The following GALT variants were observed in gnomAD, a reference collection of about 807,000 sequenced individuals.
The protein encoded by GALT is galactose-1-phosphate uridylyltransferase.
GALT carries 42 observed loss-of-function variants against 55.4 expected under a neutral mutation model. The ratio of observed to expected loss-of-function variants is 0.76; its 90% CI spans 0.59 to 0.98. The LOEUF is 0.98. GALT is among the 50% of genes least tolerant of loss of function. The probability of loss-of-function intolerance (pLI) is 0.00; values close to 1 mark genes in which losing one functional copy is unlikely to be tolerated. For missense variants in GALT, 407 were observed against 495.7 expected (o/e 0.82, Z 1.70); for synonymous variants, 154 against 181.5 (o/e 0.85, Z 1.22).
In GALT at chr9:34,648,047, G is replaced by A. The variant is rs964702392; in HGVS notation, c.508-68G>A. 5 of 1,614,190 alleles carry A rather than the reference G, an allele frequency of 3.1e-6. No individual in the cohort carries two copies. The highest frequency in any genetic ancestry group is 1.1e-5 in the South Asian group (1 of 91,082). On this transcript the variant is annotated intron_variant, in intron 5 of 10. Coordinates refer to ENST00000378842, the MANE Select transcript of GALT (RefSeq NM_000155.4). The surrounding 1 kb of genome is among the most constrained non-coding windows in gnomAD (Gnocchi z 4.9). ...GGGGAGTAACATTTCTGTTTCCACAGGGTGTGGTCAGGAGGGAGTTGACTT... is the reference window on the plus strand; with the variant it reads ...GGGGAGTAACATTTCTGTTTCCACAAGGTGTGGTCAGGAGGGAGTTGACTT...
At position 34,650,622 on chromosome 9, in the gene GALT, G is replaced by T; in HGVS notation, c.*173G>T. 1.6e-6 allele frequency: 1 copy of T among 615,578 alleles called. No homozygotes were observed. The highest frequency in any genetic ancestry group is 2.9e-6 in the Non-Finnish European group (1 of 348,010). 38.1% of individuals were successfully genotyped at this position (615,578 alleles called of 1,614,324 possible). On this transcript the variant is annotated 3_prime_UTR_variant, in exon 11 of 11. Coordinates refer to ENST00000378842, the MANE Select transcript of GALT (RefSeq NM_000155.4). The stretch of plus-strand genomic sequence containing the variant: ...TATCAGAGGAGTGTGAACCTTCAGA[G>T]ATCTAGGGTTAAAAGCTAAAGGCAT...
intron 10 of GALT, 71 bp from the exon 11 acceptor site, chr9:34,650,298 A>AAAAAAAT: frequency 9.3e-7 from 1 of 1,074,626 alleles, no homozygotes; most frequent in Non-Finnish European, 1.4e-6. Flanking sequence ...AAAAAAAAAA[A>AAAAAAAT]TGAAGTCCAT....
rs12000481 is a variant in GALT at position 34,648,098 on chromosome 9, G to A, written c.508-17G>A. 2.2e-3 allele frequency: 3,605 copies of A among 1,614,142 alleles called. 65 individuals carry two copies. In the African/African-American group the frequency reaches 0.043, roughly 19 times the overall value. ...GGTGTCTTTTGGCTAACAGAGCTCC[G>A]TATCCCTATCTGATAGATCTTTGAA... On this transcript the variant is annotated splice_polypyrimidine_tract_variant and intron_variant, in intron 5 of 10. Coordinates refer to ENST00000378842, the MANE Select transcript of GALT (RefSeq NM_000155.4). The surrounding 1 kb of genome is among the most constrained non-coding windows in gnomAD (Gnocchi z 4.9).
chr9:34,646,975 C>CT, intron 1 of GALT, 114 bp from the exon 2 acceptor site: 1 of 1,606,462 alleles, frequency 6.2e-7, no homozygotes, highest in Non-Finnish European at 8.5e-7. Flanking sequence ...CCTCTAGCTC[C>CT]TGAGCGGGAC....
Position 34,647,863 on chromosome 9 carries a change from G to A in GALT, c.409G>A (p.Val137Ile), listed in dbSNP as rs1821146618. ...CATGTGCTTCCACCCCTGGTCGGATGTAACGCTGCCACTCATGTCGGTCCC... is the reference window on the plus strand; with the variant it reads ...CATGTGCTTCCACCCCTGGTCGGATATAACGCTGCCACTCATGTCGGTCCC... ...KVMCFHPWSD[V>I]TLPLMSVPEI... The change falls in exon 5 of 11, where the codon GTA becomes ATA. Residue 137 changes from valine to isoleucine, a missense_variant. By Grantham distance (29) the Val-to-Ile change is conservative. Coordinates refer to ENST00000378842, the MANE Select transcript of GALT (RefSeq NM_000155.4). The surrounding 1 kb of genome is among the most constrained non-coding windows in gnomAD (Gnocchi z 5.6). 43 of 1,614,232 alleles carry A rather than the reference G, an allele frequency of 2.7e-5. No homozygotes were observed. Among genetic ancestry groups the A allele is most frequent in the Non-Finnish European group, 3.6e-5 (43 of 1,180,046 alleles).
chr9:34,647,706 G>GT lies in GALT; in HGVS notation c.377+2dup, dbSNP rs763662108. The GT allele has an allele frequency of 6.2e-7, 1 of 1,614,148 alleles. No individual in the cohort carries two copies. The highest frequency in any genetic ancestry group is 2.2e-5 in the East Asian group (1 of 44,884). ...AAGCAAAGTCTGCTCGAGGAGTCTGGTAACTATGGATTTCCCCTCTTACAA... is the reference window on the plus strand; with the variant it reads ...AAGCAAAGTCTGCTCGAGGAGTCTGGTTAACTATGGATTTCCCCTCTTACAA... On this transcript the variant is annotated splice_donor_variant, in intron 4 of 10. Transcript: ENST00000378842. LOFTEE classifies it high-confidence loss of function. This position sits in a 1 kb window ranked among gnomAD's most constrained non-coding sequence, Gnocchi z 5.6.
Position 34,648,507 on chromosome 9 carries a change from C to A in GALT, c.687+51C>A. 6.2e-7 allele frequency: 1 copy of A among 1,613,512 alleles called. No homozygotes were observed. Among genetic ancestry groups the A allele is most frequent in the Non-Finnish European group, 8.5e-7 (1 of 1,179,776 alleles). Reference sequence around the variant, plus strand: ...CCCAAGGAGTCCCTAACTTTCTTATCCCATGAGAGAGGTGTGTAAAGGAGA... The same window carrying A: ...CCCAAGGAGTCCCTAACTTTCTTATACCATGAGAGAGGTGTGTAAAGGAGA... On this transcript the variant is annotated intron_variant, in intron 7 of 10. Coordinates refer to ENST00000378842, the MANE Select transcript of GALT (RefSeq NM_000155.4). The surrounding 1 kb of genome is among the most constrained non-coding windows in gnomAD (Gnocchi z 4.9).
At chr9:34,649,821 GGGACTCA>G (rs1821209170) in intron 10 of GALT, 1 of 491,544 alleles carries the variant, frequency 2.0e-6, no homozygotes, top group African/African-American at 1.9e-5. Flanking sequence ...GGCATTCCTT[GGGACTCA>G]GGAGCTGCTA....
rs752601620 is a variant in GALT, at chr9:34,648,756, T to C, written c.688-6T>C. 6.2e-7 allele frequency: 1 copy of C among 1,613,038 alleles called. No individual in the cohort carries two copies. Among genetic ancestry groups the C allele is most frequent in the East Asian group, 2.2e-5 (1 of 44,884 alleles). On this transcript the variant is annotated splice_region_variant and splice_polypyrimidine_tract_variant and intron_variant, in intron 7 of 10. Transcript: ENST00000378842. This position sits in a 1 kb window ranked among gnomAD's most constrained non-coding sequence, Gnocchi z 4.9. Reference sequence around the variant, plus strand: ...TGATGACTTCCTATCCATTCTGTCTTCCTAGGAACGTCTGGTCCTAACCAG... The same window carrying C: ...TGATGACTTCCTATCCATTCTGTCTCCCTAGGAACGTCTGGTCCTAACCAG...
chr9:34,647,115 C>T lies in GALT; in HGVS notation c.109C>T (p.Leu37=). The change falls in exon 2 of 11, where the codon CTG becomes TTG. Residue 37 remains leucine (L), a synonymous_variant. Coordinates refer to ENST00000378842, the MANE Select transcript of GALT (RefSeq NM_000155.4). The surrounding 1 kb of genome is among the most constrained non-coding windows in gnomAD (Gnocchi z 5.6). ...CCATCAGCATATCCGCTACAACCCG[C>T]TGCAGGATGAGTGGGTGCTGGTGTC... The part of the protein sequence containing the change: ...NDHQHIRYNP[L]QDEWVLVSAH... 6.2e-7 allele frequency: 1 copy of T among 1,614,206 alleles called. No homozygotes were observed.
rs1821233013 is a variant in GALT, at chr9:34,650,588, A to G, written c.*139A>G. ...ACTGTGCATCTCAAACTTTTATCACATACTCTAATATCAGAGGAGTGTGAA... is the reference window on the plus strand; with the variant it reads ...ACTGTGCATCTCAAACTTTTATCACGTACTCTAATATCAGAGGAGTGTGAA... On this transcript the variant is annotated 3_prime_UTR_variant, in exon 11 of 11. Transcript: ENST00000378842. 2 of 697,988 alleles carry G rather than the reference A, an allele frequency of 2.9e-6. No individual in the cohort carries two copies. Among genetic ancestry groups the G allele is most frequent in the African/African-American group, 3.5e-5 (2 of 56,636 alleles). 43.2% of individuals were successfully genotyped at this position (697,988 alleles called of 1,614,324 possible).
In GALT at chr9:34,649,479, C is replaced by T. The variant is rs111033794; in HGVS notation, c.974C>T (p.Pro325Leu). The T allele has an allele frequency of 5.0e-6, 8 of 1,614,042 alleles. No individual in the cohort carries two copies. Among genetic ancestry groups the T allele is most frequent in the East Asian group, 4.5e-5 (2 of 44,892 alleles). ...CAGCTGCACGCTCATTACTACCCTCCGCTCCTGCGCTCTGCCACTGTCCGG... is the reference window on the plus strand; with the variant it reads ...CAGCTGCACGCTCATTACTACCCTCTGCTCCTGCGCTCTGCCACTGTCCGG... The part of the protein sequence containing the change: ...HWQLHAHYYP[P>L]LLRSATVRKF... The change falls in exon 10 of 11, where the codon CCG becomes CTG. Residue 325 changes from proline (P) to leucine (L), a missense_variant. By Grantham distance (98) the Pro-to-Leu change is moderately conservative. Coordinates refer to ENST00000378842, the MANE Select transcript of GALT (RefSeq NM_000155.4).
intron 10 of GALT, 69 bp from the exon 11 acceptor site, chr9:34,650,300 G>GAAAAAA (rs1406959631): frequency 1.1e-5 from 5 of 442,850 alleles, no homozygotes; most frequent in East Asian, 4.5e-5. Flanking sequence ...AAAAAAAAAT[G>GAAAAAA]AAGTCCATGC....
rs111033711 is a variant in GALT, at chr9:34,648,085, CT to C, written c.508-29del. On this transcript the variant is annotated intron_variant, in intron 5 of 10. Coordinates refer to ENST00000378842, the MANE Select transcript of GALT (RefSeq NM_000155.4). The surrounding 1 kb of genome is among the most constrained non-coding windows in gnomAD (Gnocchi z 4.9). The stretch of plus-strand genomic sequence containing the variant: ...AGGGAGTTGACTTGGTGTCTTTTGG[CT>C]AACAGAGCTCCGTATCCCTATCTGA... The C allele has an allele frequency of 3.1e-6, 5 of 1,614,166 alleles. No homozygotes were observed. The African/African-American group carries it at 4.0e-5, about 13-fold the overall frequency.
chr9:34,650,514 A>G lies in GALT; in HGVS notation c.*65A>G. On this transcript the variant is annotated 3_prime_UTR_variant, in exon 11 of 11. Transcript: ENST00000378842. ...AACAGTCTTGCTGAATTAAGCAGAA[A>G]GGGCCTTGAATCCTGGCCTGGAATT... The G allele has an allele frequency of 6.8e-7, 1 of 1,461,766 alleles. No individual in the cohort carries two copies. Among genetic ancestry groups the G allele is most frequent in the Non-Finnish European group, 9.6e-7 (1 of 1,043,436 alleles). The allele number at this position is 1,461,766 out of a possible 1,614,324, so 90.5% of individuals were successfully genotyped here.
At position 34,647,347 on chromosome 9, in the gene GALT, C is replaced by T. The variant is rs1289686669; in HGVS notation, c.252+89C>T. The T allele has an allele frequency of 6.3e-7, 1 of 1,594,598 alleles. No homozygotes were observed. The highest frequency in any genetic ancestry group is 1.3e-5 in the African/African-American group (1 of 74,658). ...TCCTCCACCCACAGGGATAGTGAAC[C>T]TCCTTCTGGGTCATATCCCACCAAG... On this transcript the variant is annotated intron_variant, in intron 2 of 10. Coordinates refer to ENST00000378842, the MANE Select transcript of GALT (RefSeq NM_000155.4). This position sits in a 1 kb window ranked among gnomAD's most constrained non-coding sequence, Gnocchi z 5.6.
intron 10 of GALT, chr9:34,650,077 C>T (rs190383425): frequency 2.0e-4 from 82 of 403,920 alleles, no homozygotes; most frequent in Non-Finnish European, 3.2e-4. Context: ...CCCAGAAGTT[C>T]GAGACTAGCC....
At position 34,647,147 on chromosome 9, in the gene GALT, C is replaced by T. The variant is rs2132341583; in HGVS notation, c.141C>T (p.His47=). The part of the protein sequence containing the change: ...LQDEWVLVSA[H]RMKRPWQGQV... ...ATGAGTGGGTGCTGGTGTCAGCTCA[C>T]CGCATGAAGCGGCCCTGGCAGGGTC... The change falls in exon 2 of 11, where the codon CAC becomes CAT. Residue 47 remains histidine, a synonymous_variant. Coordinates refer to ENST00000378842, the MANE Select transcript of GALT (RefSeq NM_000155.4). This position sits in a 1 kb window ranked among gnomAD's most constrained non-coding sequence, Gnocchi z 5.6. 1 of 1,614,176 alleles carries T rather than the reference C, an allele frequency of 6.2e-7. No individual in the cohort carries two copies. The highest frequency in any genetic ancestry group is 1.3e-5 in the African/African-American group (1 of 75,062).
chr9:34,650,771 G>A lies in GALT; in HGVS notation c.*322G>A, dbSNP rs866151155. 3.6e-5 allele frequency: 10 copies of A among 281,496 alleles called. No individual in the cohort carries two copies. Among genetic ancestry groups the A allele is most frequent in the Non-Finnish European group, 6.1e-5 (9 of 146,880 alleles). 17.4% of individuals were successfully genotyped at this position (281,496 alleles called of 1,614,324 possible). On this transcript the variant is annotated 3_prime_UTR_variant, in exon 11 of 11. Coordinates refer to ENST00000378842, the MANE Select transcript of GALT (RefSeq NM_000155.4). The stretch of plus-strand genomic sequence containing the variant: ...CTAGCCTATAGATTCTCTTACTCTT[G>A]GTGTAATGACAGCATTCCCAGTTTA...
Sources: gnomAD v4.1 joint callset for allele counts on GRCh38, gnomAD v4.1.1 for gene constraint, Gnocchi (gnomAD v3.1) non-coding constraint, MANE v1.5 for transcripts, NCBI Gene and HGNC (gene_info 2026-07-23, HGNC 2026-07-21) for gene names.